The following HYDIN variants were observed in gnomAD, a reference collection of about 807,000 sequenced individuals.
HYDIN encodes the protein HYDIN axonemal central pair apparatus protein, also known as axonemal central pair apparatus protein HYDIN.
HYDIN carries 132 observed loss-of-function variants against 403.9 expected under a neutral mutation model. The ratio of observed to expected loss-of-function variants is 0.33; its 90% CI spans 0.28 to 0.38. The LOEUF is 0.38. HYDIN is among the 10% of genes least tolerant of loss of function. HYDIN has a pLI of 1.00. For missense variants in HYDIN, 2,827 were observed against 5,009.5 expected, an observed-to-expected ratio of 0.56 and a Z score of 13.15; for synonymous variants, 1,202 against 1,891.7, an observed-to-expected ratio of 0.64 and a Z score of 9.46.
At chr16:71,199,298 A>G (rs182249823) in intron 1 of HYDIN, among the ~76,000 whole-genome samples, 2 of 152,292 alleles carry the variant, frequency 1.3e-5, no homozygotes, top group East Asian at 3.9e-4. Flanking sequence ...TTGCATTTCA[A>G]ATGGCTTCAT....
chr16:70,908,893 A>G (rs2076612300), intron 47 of HYDIN, 32 bp from the exon 48 acceptor site: 1 of 1,608,044 alleles, frequency 6.2e-7, no homozygotes, highest in African/African-American at 1.3e-5. Flanking sequence ...GGTCTTAAAT[A>G]TTCACTTTTT....
intron 1 of HYDIN, among the ~76,000 whole-genome samples, chr16:71,210,443 G>C (rs1451186273): frequency 6.6e-6 from 1 of 151,890 alleles, no homozygotes; most frequent in Non-Finnish European, 1.5e-5. Context: ...TCACTTATAA[G>C]AGCTAAATAA....
At chr16:71,228,104 C>T (rs1036649475) in intron 1 of HYDIN, among the ~76,000 whole-genome samples, 91 of 152,188 alleles carry the variant, frequency 6.0e-4, no homozygotes, top group African/African-American at 2.0e-3. Flanking sequence ...AACTGGCTAG[C>T]CATATGTAGA....
chr16:71,038,980 T>C (rs1226268666), intron 18 of HYDIN, among the ~76,000 whole-genome samples: 1 of 152,220 alleles, frequency 6.6e-6, no homozygotes, highest in African/African-American at 2.4e-5. Flanking sequence ...TCTGGTCACA[T>C]AGTTCTTTTC....
chr16:71,230,005 T>A (rs1302776366), intron 1 of HYDIN, among the ~76,000 whole-genome samples: 1 of 151,750 alleles, frequency 6.6e-6, no homozygotes, highest in Non-Finnish European at 1.5e-5. Flanking sequence ...AAAGGGGAGG[T>A]TCCCCTGCAC....
At chr16:70,965,373 T>G (rs961808346) in intron 36 of HYDIN, among the ~76,000 whole-genome samples, 6 of 151,476 alleles carry the variant, frequency 4.0e-5, no homozygotes, top group Admixed American at 6.6e-5. Flanking sequence ...TGTGTGTGAA[T>G]GTGTATTAGG....
intron 84 of HYDIN, among the ~76,000 whole-genome samples, chr16:70,811,636 T>C (rs1401369142): frequency 6.7e-6 from 1 of 150,242 alleles, no homozygotes; most frequent in Non-Finnish European, 1.5e-5. Context: ...GGCAGGCGGA[T>C]CACCTGAGAT....
In HYDIN at chr16:71,230,652, C is replaced by G; in HGVS notation, c.-114G>C. 6.5e-7 allele frequency: 1 copy of G among 1,536,100 alleles called. No homozygotes were observed. The highest frequency in any genetic ancestry group is 1.2e-5 in the South Asian group (1 of 84,056). On this transcript the variant is annotated 5_prime_UTR_variant, in exon 1 of 86. Transcript: ENST00000393567. Reference sequence around the variant, plus strand: ...CACAGACCCCGCCGCCGCTGAGGGGCTCCATACCCAGCTTGAAGCCGCCCG... The same window carrying G: ...CACAGACCCCGCCGCCGCTGAGGGGGTCCATACCCAGCTTGAAGCCGCCCG...
At chr16:71,005,410 T>G (rs1201576437) in intron 23 of HYDIN, among the ~76,000 whole-genome samples, 2 of 152,072 alleles carry the variant, frequency 1.3e-5, no homozygotes, top group Admixed American at 6.6e-5. Flanking sequence ...GTTCTCTCTC[T>G]CCTTTTGCTA....
intron 17 of HYDIN, 73 bp downstream of exon 17, chr16:71,062,096 C>G (rs541638367): frequency 8.8e-7 from 1 of 1,139,406 alleles, no homozygotes; most frequent in African/African-American, 1.5e-5. Context: ...GTGTGGGCCT[C>G]AAATGAGAAA....
intron 83 of HYDIN, among the ~76,000 whole-genome samples, chr16:70,820,115 T>G (rs2036142148): frequency 1.4e-5 from 2 of 147,960 alleles, no homozygotes; most frequent in African/African-American, 5.0e-5. Context: ...CCACCGCGCC[T>G]GGCCTTCACT....
At chr16:70,847,671 G>C (rs1256184376) in intron 75 of HYDIN, among the ~76,000 whole-genome samples, 4 of 150,706 alleles carry the variant, frequency 2.7e-5, no homozygotes, top group African/African-American at 4.9e-5. Context: ...TCAGGCCTCC[G>C]AAGTTTCTAA....
chr16:70,896,590 A>G (rs1011983810), intron 53 of HYDIN, among the ~76,000 whole-genome samples: 5 of 151,070 alleles, frequency 3.3e-5, no homozygotes, highest in East Asian at 1.9e-4. Context: ...TCTTGAACTC[A>G]AACAATCCTC....
chr16:70,943,373 G>A (rs1463650601), intron 42 of HYDIN, among the ~76,000 whole-genome samples: 1 of 152,112 alleles, frequency 6.6e-6, no homozygotes, highest in African/African-American at 2.4e-5. Context: ...TATTTTAAAA[G>A]TTTTTACTAT....
intron 14 of HYDIN, 84 bp downstream of exon 14, chr16:71,069,183 T>C: frequency 2.0e-6 from 3 of 1,476,686 alleles, no homozygotes; most frequent in Non-Finnish European, 2.8e-6. Context: ...CTGGACATGC[T>C]AGAGCAAACC....
intron 21 of HYDIN, among the ~76,000 whole-genome samples, chr16:71,024,081 G>C (rs1411805173): frequency 6.6e-6 from 1 of 152,202 alleles, no homozygotes. Context: ...ACTGTGCCTA[G>C]CACATGATAG....
At chr16:71,158,727 G>C (rs1255613821) in intron 6 of HYDIN, among the ~76,000 whole-genome samples, 1 of 149,288 alleles carries the variant, frequency 6.7e-6, no homozygotes, top group Non-Finnish European at 1.5e-5. Context: ...TGTCACCCAG[G>C]CTGGAGTGCA....
At position 70,981,423 on chromosome 16, in the gene HYDIN, T is replaced by A. The variant is rs1258236721; in HGVS notation, c.4478A>T (p.Gln1493Leu). Residue 1493 changes from glutamine to leucine, a missense_variant, in exon 29 of 86, where the codon CAA (glutamine) becomes CTA (leucine). By Grantham distance (113) the Gln-to-Leu change is moderately radical (BLOSUM62 -2). Coordinates refer to ENST00000393567, the MANE Select transcript of HYDIN (RefSeq NM_001270974.2). ...GTTCCTGGGGAGATCGAGGCAGATTTGGGGAAAGATTCCCTCTCCGCTCAG... is the reference window on the plus strand; with the variant it reads ...GTTCCTGGGGAGATCGAGGCAGATTAGGGGAAAGATTCCCTCTCCGCTCAG... ...ITLSGEGIFP[Q>L]ICLDLPRNLT... The A allele has an allele frequency of 6.2e-7, 1 of 1,613,560 alleles. No homozygotes were observed. The highest frequency in any genetic ancestry group is 1.3e-5 in the African/African-American group (1 of 74,874).
intron 10 of HYDIN, among the ~76,000 whole-genome samples, chr16:71,099,571 T>G (rs1398317182): frequency 1.9e-5 from 1 of 52,268 alleles, no homozygotes; most frequent in East Asian, 3.6e-4. Context: ...CATATTATAC[T>G]TGAGTTCCAT....
Sources: allele counts gnomAD v4.1 joint callset (sites outside exome capture counted in the v4.1 genomes callset), GRCh38; gene constraint gnomAD v4.1.1; transcripts MANE v1.5; gene names NCBI Gene and HGNC (gene_info 2026-07-23, HGNC 2026-07-21).